The following ADK variants were observed in gnomAD, a reference collection of about 807,000 sequenced individuals.
ADK encodes the protein adenosine kinase, also known as N6,N6-dimethyladenosine kinase.
A neutral mutation model predicts 44.7 loss-of-function variants in ADK; 24 were observed. The ratio of observed to expected loss-of-function variants is 0.54; its 90% CI spans 0.39 to 0.76. ADK has a LOEUF of 0.76. ADK is among the 30% of genes least tolerant of loss of function. The probability of loss-of-function intolerance (pLI) is 0.00; values close to 1 mark genes in which losing one functional copy is unlikely to be tolerated. For synonymous variants in ADK, 128 were observed against 142.6 expected, an observed-to-expected ratio of 0.90 and a Z score of 0.73; for missense variants, 321 against 425.1, an observed-to-expected ratio of 0.76 and a Z score of 2.15.
rs180675958 is a variant in ADK, at chr10:74,360,737, G to A, written c.274-33404G>A. Among the ~76,000 whole-genome samples the A allele has an allele frequency of 2.6e-5, 4 of 152,078 alleles. No individual in the cohort carries two copies. The East Asian group carries it at 5.8e-4, about 22-fold the overall frequency. On this transcript the variant is annotated intron_variant, in intron 4 of 10. Transcript: ENST00000539909. ...CAGTTTTTGACTTAAAGTCTATTTT[G>A]CCTAATGTAATTATAGGTATTCCTG... is the stretch of plus-strand genomic sequence containing the variant.
At chr10:74,354,395 TC>T in intron 4 of ADK, among the ~76,000 whole-genome samples, 1 of 152,262 alleles carries the variant, frequency 6.6e-6, no homozygotes, top group Admixed American at 6.5e-5. Flanking sequence ...AGTAGAAATT[TC>T]CCCCATGAAA....
chr10:74,579,386 A>G lies in ADK; in HGVS notation c.727-9896A>G, dbSNP rs566045965. On this transcript the variant is annotated intron_variant, in intron 7 of 10. Coordinates refer to ENST00000539909, the MANE Select transcript of ADK (RefSeq NM_006721.4). ...ATGGCAGGATCCTTTAGCATGTAAT[A>G]CTTTAAAATGGATCCACACTGAACT... 7.9e-5 allele frequency among the ~76,000 whole-genome samples: 12 copies of G among 152,182 alleles called. 1 individual carries two copies. The South Asian group carries it at 2.5e-3, about 32-fold the overall frequency.
intron 1 of ADK, among the ~76,000 whole-genome samples, chr10:74,152,933 T>C (rs1841647490): frequency 6.6e-6 from 1 of 152,214 alleles, no homozygotes; most frequent in Non-Finnish European, 1.5e-5. Context: ...ACTTGAGTAC[T>C]GGGACAAATC....
chr10:74,271,889 C>G (rs1221051615), intron 3 of ADK, among the ~76,000 whole-genome samples: 2 of 151,886 alleles, frequency 1.3e-5, no homozygotes, highest in Admixed American at 1.3e-4. Flanking sequence ...CTTGAACTTT[C>G]CATTGATATG....
intron 4 of ADK, among the ~76,000 whole-genome samples, chr10:74,336,396 C>A (rs749553560): frequency 1.8e-4 from 27 of 152,044 alleles, no homozygotes; most frequent in Non-Finnish European, 3.7e-4. Context: ...CTTCTTTCTC[C>A]AATATCATAC....
rs947813698 is a variant in ADK at position 74,258,679 on chromosome 10, A to G, written c.194+34088A>G. On this transcript the variant is annotated intron_variant, in intron 3 of 10. Transcript: ENST00000539909. Reference sequence around the variant, plus strand: ...GAAGGGTCATAATCTAGTAATTCACATATCAATTCTGATAAAAATCAAAGA... The same window carrying G: ...GAAGGGTCATAATCTAGTAATTCACGTATCAATTCTGATAAAAATCAAAGA... Among the ~76,000 whole-genome samples, 3 of 152,220 alleles carry G rather than the reference A, an allele frequency of 2.0e-5. No homozygotes were observed. The East Asian group carries it at 5.8e-4, about 29-fold the overall frequency.
intron 1 of ADK, among the ~76,000 whole-genome samples, chr10:74,152,572 C>T (rs979828254): frequency 6.6e-6 from 1 of 152,116 alleles, no homozygotes; most frequent in African/African-American, 2.4e-5. Flanking sequence ...CTTTTCCCTA[C>T]CATCCTACTG....
chr10:74,243,959 A>G (rs1845320279), intron 3 of ADK, among the ~76,000 whole-genome samples: 1 of 152,210 alleles, frequency 6.6e-6, no homozygotes, highest in Non-Finnish European at 1.5e-5. Flanking sequence ...TTACCTGTAT[A>G]TAAAGAATGT....
intron 6 of ADK, among the ~76,000 whole-genome samples, chr10:74,442,394 C>G (rs1433180685): frequency 6.6e-6 from 1 of 152,080 alleles, no homozygotes; most frequent in Non-Finnish European, 1.5e-5. Context: ...GCCCGTAATC[C>G]CAGCACTGTG....
At chr10:74,577,652 A>G (rs942087414) in intron 7 of ADK, among the ~76,000 whole-genome samples, 1 of 151,960 alleles carries the variant, frequency 6.6e-6, no homozygotes, top group African/African-American at 2.4e-5. Context: ...AAAAATTACA[A>G]TGTAGTCCTA....
chr10:74,536,316 T>G (rs1166405058), intron 7 of ADK, among the ~76,000 whole-genome samples: 3 of 152,090 alleles, frequency 2.0e-5, no homozygotes, highest in Non-Finnish European at 4.4e-5. Flanking sequence ...TTAGTGAACC[T>G]AGGGGAAATG....
chr10:74,344,459 C>G (rs1483176466), intron 4 of ADK: 2 of 180,308 alleles, frequency 1.1e-5, no homozygotes, highest in Non-Finnish European at 2.5e-5. Flanking sequence ...GATGACTTAA[C>G]AAGGTGGCAC....
chr10:74,667,545 T>TC (rs1855007523), intron 9 of ADK, among the ~76,000 whole-genome samples: 1 of 151,412 alleles, frequency 6.6e-6, no homozygotes, highest in South Asian at 2.1e-4. Context: ...TTTTTTTTTT[T>TC]CCTCCGAGAG....
At chr10:74,170,599 C>A (rs1448861228) in intron 1 of ADK, among the ~76,000 whole-genome samples, 1 of 151,794 alleles carries the variant, frequency 6.6e-6, no homozygotes, top group Non-Finnish European at 1.5e-5. Flanking sequence ...GAGATCGAGA[C>A]CATCCTGGCT....
At chr10:74,433,489 T>G (rs1483179696) in intron 6 of ADK, among the ~76,000 whole-genome samples, 1 of 152,158 alleles carries the variant, frequency 6.6e-6, no homozygotes, top group Non-Finnish European at 1.5e-5. Context: ...CATTTCTCAG[T>G]AGCAGCAGGA....
chr10:74,300,207 A>G (rs1839960058), intron 3 of ADK, among the ~76,000 whole-genome samples: 1 of 147,826 alleles, frequency 6.8e-6, no homozygotes, highest in East Asian at 2.0e-4. Context: ...TCTTAATGAT[A>G]CTGATATTGT....
chr10:74,629,346 A>G (rs917996133), intron 9 of ADK, among the ~76,000 whole-genome samples: 1 of 152,122 alleles, frequency 6.6e-6, no homozygotes, highest in African/African-American at 2.4e-5. Context: ...CCTTGTCAGG[A>G]CTAGCTTAGA....
At chr10:74,213,701 A>G (rs1843911977) in intron 2 of ADK, among the ~76,000 whole-genome samples, 2 of 152,230 alleles carry the variant, frequency 1.3e-5, no homozygotes, top group Non-Finnish European at 2.9e-5. Flanking sequence ...TGCAACAGAG[A>G]TATCTAGTAA....
At chr10:74,396,237 A>G (rs1237512418) in intron 5 of ADK, among the ~76,000 whole-genome samples, 1 of 152,196 alleles carries the variant, frequency 6.6e-6, no homozygotes, top group East Asian at 1.9e-4. Flanking sequence ...TGCCACTATC[A>G]AAAACTCAGA....
Sources: allele counts gnomAD v4.1 joint callset (sites outside exome capture counted in the v4.1 genomes callset), GRCh38; gene constraint gnomAD v4.1.1; transcripts MANE v1.5; gene names NCBI Gene and HGNC (gene_info 2026-07-23, HGNC 2026-07-21).